WDPCP: variants seen among roughly 807,000 people sequenced by gnomAD.
The protein encoded by WDPCP is WD repeat-containing and planar cell polarity effector protein fritz homolog.
In WDPCP, 71 loss-of-function variants were observed where a neutral mutation model predicts 93.1. The ratio of observed to expected loss-of-function variants is 0.76; its 90% confidence interval spans 0.63 to 0.93. WDPCP has a LOEUF of 0.93. Among genes scored for constraint, WDPCP ranks in the 40% least tolerant of loss-of-function variants. The probability of loss-of-function intolerance (pLI) is 0.00; values close to 1 mark genes in which losing one functional copy is unlikely to be tolerated. For synonymous variants in WDPCP, 315 were observed against 315.0 expected (o/e 1.00, Z 0.00); for missense variants, 844 against 887.4 (o/e 0.95, Z 0.62).
rs59969247 is a variant in WDPCP, at chr2:63,670,709, G to T, written n.309-19871C>A. 8.2e-3 allele frequency among the ~76,000 whole-genome samples: 1,249 copies of T among 152,256 alleles called. 13 individuals are homozygous for T. The highest frequency in any genetic ancestry group is 0.028 in the African/African-American group (1,146 of 41,556). On this transcript the variant is annotated intron_variant and non_coding_transcript_variant, in intron 2 of 4. Transcript: ENST00000467687. ...GTTACTGGAGACTATGTTCCCATCTGCCCTTTGCCAACTTGCCTCAAGGTC... is the reference window on the plus strand; with the variant it reads ...GTTACTGGAGACTATGTTCCCATCTTCCCTTTGCCAACTTGCCTCAAGGTC...
intron 14 of WDPCP, among the ~76,000 whole-genome samples, chr2:63,175,044 T>C (rs538473891): frequency 2.0e-5 from 3 of 152,312 alleles, no homozygotes; most frequent in East Asian, 1.9e-4. Flanking sequence ...TTTTCAAGTA[T>C]AGATTTTAAA....
chr2:63,782,410 A>G (rs1210731342), intron 2 of WDPCP, among the ~76,000 whole-genome samples: 1 of 152,212 alleles, frequency 6.6e-6, no homozygotes, highest in African/African-American at 2.4e-5. Context: ...TTTGCTAACT[A>G]TGTATCCAAC....
intron 13 of WDPCP, among the ~76,000 whole-genome samples, chr2:63,271,200 T>C (rs1429943083): frequency 6.6e-6 from 1 of 152,186 alleles, no homozygotes; most frequent in Non-Finnish European, 1.5e-5. Context: ...AGAGCCAACT[T>C]CCTAGGTCCA....
chr2:63,391,344 C>A (rs1693229159), intron 10 of WDPCP, among the ~76,000 whole-genome samples: 1 of 152,136 alleles, frequency 6.6e-6, no homozygotes, highest in East Asian at 1.9e-4. Context: ...TTCAACAGCA[C>A]TTCATGATAA....
At chr2:63,607,601 C>A (rs927533433) in intron 3 of WDPCP, among the ~76,000 whole-genome samples, 1 of 151,370 alleles carries the variant, frequency 6.6e-6, no homozygotes, top group African/African-American at 2.4e-5. Context: ...GAGGCAGAGG[C>A]GGGCGGATCA....
intron 9 of WDPCP, among the ~76,000 whole-genome samples, chr2:63,426,746 C>G (rs1696331270): frequency 6.6e-6 from 1 of 152,160 alleles, no homozygotes; most frequent in Non-Finnish European, 1.5e-5. Flanking sequence ...TCCTGACATC[C>G]CACTTAAAAG....
chr2:63,470,846 G>A (rs908515601), intron 6 of WDPCP, among the ~76,000 whole-genome samples: 3 of 152,006 alleles, frequency 2.0e-5, no homozygotes, highest in Non-Finnish European at 2.9e-5. Flanking sequence ...TCAACTCCCT[G>A]CTATTCTTCA....
At chr2:63,635,057 C>T (rs762808502) in intron 3 of WDPCP, among the ~76,000 whole-genome samples, 11 of 151,930 alleles carry the variant, frequency 7.2e-5, no homozygotes, top group Non-Finnish European at 1.5e-4. Context: ...AACTGCTACT[C>T]CATAAATACA....
At chr2:63,494,403 TA>T (rs1701091562) in intron 1 of WDPCP, among the ~76,000 whole-genome samples, 1 of 152,160 alleles carries the variant, frequency 6.6e-6, no homozygotes, top group African/African-American at 2.4e-5. Flanking sequence ...ATTTTACATG[TA>T]TTAACTCTCT....
At chr2:63,573,241 CAAAA>C (rs1198084895) in intron 1 of WDPCP, among the ~76,000 whole-genome samples, 2 of 119,190 alleles carry the variant, frequency 1.7e-5, no homozygotes, top group Admixed American at 1.7e-4. Flanking sequence ...AGACCTGCCT[CAAAA>C]AAAAAAAAAA....
At chr2:63,314,424 C>T (rs1244515697) in intron 12 of WDPCP, among the ~76,000 whole-genome samples, 2 of 152,144 alleles carry the variant, frequency 1.3e-5, no homozygotes, top group South Asian at 2.1e-4. Context: ...CCCACTTCAG[C>T]GTCCCAAAAG....
intron 13 of WDPCP, among the ~76,000 whole-genome samples, chr2:63,286,501 T>C (rs1028613456): frequency 1.3e-5 from 2 of 152,060 alleles, no homozygotes; most frequent in African/African-American, 4.8e-5. Flanking sequence ...AAAACATTGC[T>C]CCTAACTCCA....
Position 63,176,239 on chromosome 2 carries a change from C to A in WDPCP, c.1916-1407G>T, listed in dbSNP as rs1312407473. Among the ~76,000 whole-genome samples, 3 of 151,992 alleles carry A rather than the reference C, an allele frequency of 2.0e-5. No individual in the cohort carries two copies. In the East Asian group the frequency reaches 5.8e-4, roughly 29 times the overall value. On this transcript the variant is annotated intron_variant, in intron 14 of 17. Transcript: ENST00000272321. ...TACCTTCACTGAAGAAATGTGGATT[C>A]AAGTCACTTGTCCTTTTTTTCTTTG... is the stretch of plus-strand genomic sequence containing the variant.
intron 2 of WDPCP, 104 bp from the exon 3 acceptor site, chr2:63,487,598 C>T: frequency 1.2e-6 from 1 of 804,152 alleles, no homozygotes; most frequent in Middle Eastern, 2.4e-4. Context: ...AAAGCAGAAA[C>T]AGTCTCCTTA....
At chr2:63,715,623 A>C (rs1302370320) in intron 2 of WDPCP, among the ~76,000 whole-genome samples, 1 of 152,238 alleles carries the variant, frequency 6.6e-6, no homozygotes, top group Non-Finnish European at 1.5e-5. Flanking sequence ...CATGCTTCAC[A>C]AAAAATGTAC....
chr2:63,525,251 G>C (rs1207091030), intron 1 of WDPCP, among the ~76,000 whole-genome samples: 4 of 152,156 alleles, frequency 2.6e-5, no homozygotes, highest in African/African-American at 9.7e-5. Flanking sequence ...CCTGAGGGTG[G>C]AGGGTGGAAG....
intron 14 of WDPCP, among the ~76,000 whole-genome samples, chr2:63,185,656 T>C (rs1055275610): frequency 3.9e-5 from 6 of 152,160 alleles, no homozygotes; most frequent in Non-Finnish European, 8.8e-5. Context: ...TATGGGCTTG[T>C]GTTACCAGAT....
At chr2:63,670,695 C>T (rs1710335220) in intron 2 of WDPCP, among the ~76,000 whole-genome samples, 1 of 152,174 alleles carries the variant, frequency 6.6e-6, no homozygotes, top group Non-Finnish European at 1.5e-5. Flanking sequence ...TTACTGGAGA[C>T]TATGTTCCCA....
At chr2:63,405,573 G>GTA (rs1694508546) in intron 9 of WDPCP, among the ~76,000 whole-genome samples, 2 of 151,114 alleles carry the variant, frequency 1.3e-5, no homozygotes, top group Admixed American at 1.3e-4. Context: ...GTGTGTGTGT[G>GTA]TGTGTGTGTG....
Sources: allele counts gnomAD v4.1 joint callset (sites outside exome capture counted in the v4.1 genomes callset), GRCh38; gene constraint gnomAD v4.1.1; transcripts MANE v1.5; gene names NCBI Gene and HGNC (gene_info 2026-07-23, HGNC 2026-07-21).